PRKCQ: variants seen among roughly 807,000 people sequenced by gnomAD.
PRKCQ encodes the protein protein kinase C theta.
In PRKCQ, 41 loss-of-function variants were observed where a neutral mutation model predicts 91.2. The observed-to-expected ratio is 0.45, with a 90% CI of 0.35 to 0.58. The LOEUF is 0.58. Among genes scored for constraint, PRKCQ ranks in the 20% least tolerant of loss-of-function variants. The pLI, the probability that PRKCQ is intolerant of heterozygous loss-of-function variation, is 0.00. For synonymous variants in PRKCQ, 307 were observed against 316.9 expected, an observed-to-expected ratio of 0.97 and a Z score of 0.33; for missense variants, 673 against 896.5, an observed-to-expected ratio of 0.75 and a Z score of 3.18.
the PRKCQ span, among the ~76,000 whole-genome samples, chr10:6,395,164 C>A: frequency 2.7e-5 from 4 of 149,808 alleles, no homozygotes; most frequent in Non-Finnish European, 4.4e-5. Flanking sequence ...CCCGGGTTCA[C>A]GCCATTCTCC....
intron 14 of PRKCQ, among the ~76,000 whole-genome samples, chr10:6,460,407 C>T (rs1316172168): frequency 6.6e-6 from 1 of 151,878 alleles, no homozygotes; most frequent in Non-Finnish European, 1.5e-5. Context: ...TTAGGTTTCA[C>T]GGGGTCCCTT....
intron 8 of PRKCQ, among the ~76,000 whole-genome samples, chr10:6,486,705 G>T (rs948283723): frequency 6.6e-6 from 1 of 152,192 alleles, no homozygotes; most frequent in African/African-American, 2.4e-5. Flanking sequence ...GAACTCTCCT[G>T]GGCTAAGCCC....
chr10:6,436,966 G>A (rs1407303883), intron 16 of PRKCQ, among the ~76,000 whole-genome samples: 1 of 152,172 alleles, frequency 6.6e-6, no homozygotes, highest in East Asian at 1.9e-4. Context: ...AAGCACAGGG[G>A]GAAGCTGGCA....
intron 1 of PRKCQ, among the ~76,000 whole-genome samples, chr10:6,579,958 G>T (rs140154897): frequency 6.6e-6 from 1 of 152,060 alleles, no homozygotes; most frequent in Non-Finnish European, 1.5e-5. Context: ...CCCCCAGGCC[G>T]GCGGCCCCCA....
Position 6,428,320 on chromosome 10 carries a change from T to G in PRKCQ, c.2008A>C (p.Asn670His). 1 of 1,614,152 alleles carries G rather than the reference T, an allele frequency of 6.2e-7. No individual in the cohort carries two copies. The highest frequency in any genetic ancestry group is 8.5e-7 in the Non-Finnish European group (1 of 1,179,994). The change falls in exon 18 of 18, where the codon AAC (asparagine) becomes CAC (histidine). Residue 670 changes from asparagine to histidine, a missense_variant. Coordinates refer to ENST00000263125, the MANE Select transcript of PRKCQ (RefSeq NM_006257.5). ...GCAAATGACAGCCGGGGCTTCTCGT[T>G]TAAGAATTCTTTGTCGAAATTGCTG... Reference protein sequence around the residue: ...DCSNFDKEFLNEKPRLSFADR... With the variant: ...DCSNFDKEFLHEKPRLSFADR...
chr10:6,576,990 C>A lies in PRKCQ; in HGVS notation c.-10+3221G>T, dbSNP rs1192556012. ...ATAAAATTCTGAGTATGATATACAG[C>A]ACATAAATTCTAAATAATAAAGACT... On this transcript the variant is annotated intron_variant, in intron 1 of 17. Transcript: ENST00000263125. The surrounding 1 kb of genome is among the most constrained non-coding windows in gnomAD (Gnocchi z 4.2). Among the ~76,000 whole-genome samples, 4 of 152,066 alleles carry A rather than the reference C, an allele frequency of 2.6e-5. No homozygotes were observed.
the PRKCQ span, among the ~76,000 whole-genome samples, chr10:6,394,994 C>A: frequency 2.0e-5 from 3 of 149,666 alleles, no homozygotes; most frequent in Non-Finnish European, 3.0e-5. Flanking sequence ...TTTATCAAGA[C>A]GGGGGAATTG....
At chr10:6,568,726 C>T (rs1369126087) in intron 1 of PRKCQ, among the ~76,000 whole-genome samples, 2 of 152,112 alleles carry the variant, frequency 1.3e-5, no homozygotes, top group African/African-American at 4.8e-5. Context: ...TCTCAATCTC[C>T]TGACCTCGTG....
chr10:6,436,106 T>A (rs578207604), intron 16 of PRKCQ, among the ~76,000 whole-genome samples: 1 of 152,148 alleles, frequency 6.6e-6, no homozygotes, highest in Non-Finnish European at 1.5e-5. Context: ...AGAGCGACAC[T>A]CTGTCTTAAA....
rs765731538 is a variant in PRKCQ, at chr10:6,511,116, T to C, written c.197A>G (p.Lys66Arg). ...WDSTFDAHINKGRVMQIIVKG... is the reference protein window; with the variant it reads ...WDSTFDAHINRGRVMQIIVKG... ...CACAATGATCTGCATGACTCTTCCC[T>C]TGTTGATATGGGCATCAAAAGTGCT... is the stretch of plus-strand genomic sequence containing the variant. The change falls in exon 3 of 18, where the codon AAG (lysine) becomes AGG (arginine). Residue 66 changes from lysine (K) to arginine (R), a missense_variant. Transcript: ENST00000263125. 6.2e-7 allele frequency: 1 copy of C among 1,614,194 alleles called. No homozygotes were observed. Among genetic ancestry groups the C allele is most frequent in the Non-Finnish European group, 8.5e-7 (1 of 1,180,036 alleles).
chr10:6,470,220 T>C (rs999057085), intron 12 of PRKCQ, among the ~76,000 whole-genome samples: 3 of 152,196 alleles, frequency 2.0e-5, no homozygotes, highest in Admixed American at 2.0e-4. Context: ...TTTCCTCTCC[T>C]GTCCTCCGAT....
At chr10:6,549,136 A>T (rs1840086042) in intron 1 of PRKCQ, among the ~76,000 whole-genome samples, 2 of 152,176 alleles carry the variant, frequency 1.3e-5, no homozygotes, top group South Asian at 4.1e-4. Context: ...GAAGCAGTAC[A>T]TGGGGCCATA....
chr10:6,480,924 A>T (rs1836562729), intron 11 of PRKCQ, among the ~76,000 whole-genome samples: 1 of 152,186 alleles, frequency 6.6e-6, no homozygotes, highest in Admixed American at 6.5e-5. Flanking sequence ...AGAACACACA[A>T]TTTGTTTTCT....
Position 6,462,495 on chromosome 10 carries a change from C to T in PRKCQ, c.1446-130G>A, listed in dbSNP as rs1835406363. On this transcript the variant is annotated intron_variant, in intron 13 of 17. Transcript: ENST00000263125. ...GCATACACACATAACTCTGTTTAAT[C>T]CTAACAAGGAAGATGTTGTCCATTC... is the stretch of plus-strand genomic sequence containing the variant. 5.5e-6 allele frequency: 4 copies of T among 727,980 alleles called. No individual in the cohort carries two copies. The South Asian group carries it at 7.1e-5, about 13-fold the overall frequency. 45.1% of individuals were successfully genotyped at this position (727,980 alleles called of 1,614,324 possible). A position where few individuals can be genotyped will look rare whatever the true frequency, so the allele number is the denominator to read the frequency against.
chr10:6,401,511 GT>G, the PRKCQ span, among the ~76,000 whole-genome samples: 7,069 of 146,414 alleles, frequency 0.048, 291 homozygotes, highest in African/African-American at 0.11. Flanking sequence ...GAGAGGGCTG[GT>G]TTTTTTTTTT....
chr10:6,467,296 T>TGAGAGAGA (rs35362449), intron 12 of PRKCQ, among the ~76,000 whole-genome samples: 1 of 111,858 alleles, frequency 8.9e-6, no homozygotes, highest in African/African-American at 3.1e-5. Flanking sequence ...CCAAGCAGGC[T>TGAGAGAGA]GAGAGAGAGA....
chr10:6,437,471 G>T (rs1833754626), intron 16 of PRKCQ, among the ~76,000 whole-genome samples: 1 of 152,108 alleles, frequency 6.6e-6, no homozygotes, highest in Admixed American at 6.5e-5. Flanking sequence ...AATGTCTGTT[G>T]TTTAACCCAC....
chr10:6,537,549 C>T (rs1043972705), intron 1 of PRKCQ, among the ~76,000 whole-genome samples: 7 of 152,268 alleles, frequency 4.6e-5, no homozygotes, highest in South Asian at 2.1e-4. Flanking sequence ...CTTCCTTTCT[C>T]GGGATCTATT....
At chr10:6,514,741 T>C (rs1023173268) in intron 2 of PRKCQ, among the ~76,000 whole-genome samples, 2 of 152,168 alleles carry the variant, frequency 1.3e-5, no homozygotes, top group African/African-American at 4.8e-5. Flanking sequence ...ACTCCTTATG[T>C]AATTTCCTCA....
Sources: allele counts gnomAD v4.1 joint callset (sites outside exome capture counted in the v4.1 genomes callset), GRCh38; gene constraint gnomAD v4.1.1; non-coding constraint Gnocchi (gnomAD v3.1); transcripts MANE v1.5; gene names NCBI Gene and HGNC (gene_info 2026-07-23, HGNC 2026-07-21).